Variants in SLC13A4 observed in about 807,000 individuals in gnomAD.
The protein encoded by SLC13A4 is Na(+)/sulfate cotransporter SUT-1.
SLC13A4 carries 28 observed loss-of-function variants against 72.7 expected under a neutral mutation model. That is an observed-to-expected ratio of 0.39 (90% CI 0.29 to 0.53). SLC13A4 has a LOEUF of 0.53. Ranked by LOEUF, SLC13A4 falls within the 20% of genes least tolerant of loss-of-function variation. The probability of loss-of-function intolerance (pLI) is 0.78; values close to 1 mark genes in which losing one functional copy is unlikely to be tolerated. For synonymous variants in SLC13A4, 312 were observed against 325.5 expected, an observed-to-expected ratio of 0.96 and a Z score of 0.45; for missense variants, 653 against 788.0, an observed-to-expected ratio of 0.83 and a Z score of 2.05.
intron 13 of SLC13A4, among the ~76,000 whole-genome samples, chr7:135,687,336 G>A (rs1795653510): frequency 6.6e-6 from 1 of 152,194 alleles, no homozygotes; most frequent in South Asian, 2.1e-4. Context: ...AGACATTTAT[G>A]ATTCCTCAAG....
rs924339367 is a variant in SLC13A4 at position 135,708,335 on chromosome 7, A to G, written c.229-85T>C. On this transcript the variant is annotated intron_variant, in intron 2 of 15. Coordinates refer to ENST00000682651, the MANE Select transcript of SLC13A4 (RefSeq NM_001318192.2). ...CAGCTGGGAGAATGGGCCATACCCA[A>G]TAAAACCTGTTCTCAATCAAAGAGG... 3.3e-5 allele frequency: 51 copies of G among 1,554,440 alleles called. No individual in the cohort carries two copies. In the East Asian group the frequency reaches 3.8e-4, roughly 12 times the overall value.
chr7:135,715,174 T>C (rs1796392079), intron 2 of SLC13A4, among the ~76,000 whole-genome samples: 3 of 151,502 alleles, frequency 2.0e-5, no homozygotes, highest in South Asian at 2.1e-4. Flanking sequence ...TATATATGTG[T>C]ATATGGGTAT....
At chr7:135,696,387 C>T (rs1336980715) in intron 8 of SLC13A4, among the ~76,000 whole-genome samples, 4 of 151,858 alleles carry the variant, frequency 2.6e-5, no homozygotes, top group African/African-American at 7.3e-5. Context: ...CTTGCTCTGT[C>T]GCTTAGGCTG....
intron 2 of SLC13A4, among the ~76,000 whole-genome samples, chr7:135,709,857 C>G (rs1796257620): frequency 6.6e-6 from 1 of 152,188 alleles, no homozygotes; most frequent in African/African-American, 2.4e-5. Flanking sequence ...GCACTTGGAG[C>G]AATGCTTGAA....
chr7:135,726,504 A>G (rs2129495662), intron 1 of SLC13A4, among the ~76,000 whole-genome samples: 1 of 152,296 alleles, frequency 6.6e-6, no homozygotes, highest in South Asian at 2.1e-4. Context: ...TATTTTTCCT[A>G]AAGTCTCCAG....
chr7:135,719,889 AAGAG>A (rs1201457387), intron 2 of SLC13A4, among the ~76,000 whole-genome samples: 1 of 141,850 alleles, frequency 7.0e-6, no homozygotes, highest in Non-Finnish European at 1.5e-5. Context: ...AGAGGAAGGA[AAGAG>A]AGAGAGAGAG....
At chr7:135,726,134 T>C (rs2129495652) in intron 1 of SLC13A4, among the ~76,000 whole-genome samples, 1 of 152,128 alleles carries the variant, frequency 6.6e-6, no homozygotes, top group South Asian at 2.1e-4. Context: ...GAGGCTAGTA[T>C]GTCTCTCGGT....
At chr7:135,697,365 G>A (rs1419196392) in intron 8 of SLC13A4, among the ~76,000 whole-genome samples, 2 of 152,108 alleles carry the variant, frequency 1.3e-5, no homozygotes, top group Non-Finnish European at 2.9e-5. Flanking sequence ...TCCTTCACAT[G>A]CTGAGGGCAG....
At chr7:135,708,804 A>G (rs551673996) in intron 2 of SLC13A4, among the ~76,000 whole-genome samples, 1 of 151,836 alleles carries the variant, frequency 6.6e-6, no homozygotes, top group African/African-American at 2.4e-5. Flanking sequence ...CATTTTTCCT[A>G]TACCTATATA....
rs141993927 is a variant in SLC13A4 at position 135,681,677 on chromosome 7, G to A, written c.1770C>T (p.Asn590=). ...CCATTACTATCACCAGTCCAATAAC[G>A]TTGACTCCCAGGCCAGCTTTCACCT... ...KDMVKAGLGV[N]VIGLVIVMVA... is the part of the protein sequence containing the mutation. The change falls in exon 16 of 16, where the codon AAC becomes AAT. Residue 590 remains asparagine, a synonymous_variant. Transcript: ENST00000682651. 70 of 1,613,712 alleles carry A rather than the reference G, an allele frequency of 4.3e-5. No individual in the cohort carries two copies. Among genetic ancestry groups the A allele is most frequent in the African/African-American group, 3.3e-4 (25 of 75,030 alleles).
At chr7:135,702,006 G>C (rs530900148) in intron 6 of SLC13A4, 3 of 382,168 alleles carry the variant, frequency 7.8e-6, no homozygotes, top group East Asian at 8.4e-5. Context: ...CCTTAGAGGA[G>C]AGCCAGCCTT....
At chr7:135,699,579 A>C (rs778887452) in intron 7 of SLC13A4, 31 bp from the exon 8 acceptor site, 2 of 1,571,622 alleles carry the variant, frequency 1.3e-6, no homozygotes, top group East Asian at 2.3e-5. Flanking sequence ...AATCTGTCCA[A>C]CCCAGCTTGG....
At chr7:135,686,217 G>A (rs1333219836) in intron 13 of SLC13A4, among the ~76,000 whole-genome samples, 4 of 152,166 alleles carry the variant, frequency 2.6e-5, no homozygotes, top group African/African-American at 4.8e-5. Context: ...AGCACTGGAG[G>A]TTTTACAGGA....
chr7:135,710,730 T>C (rs1418191867), intron 2 of SLC13A4, among the ~76,000 whole-genome samples: 2 of 152,228 alleles, frequency 1.3e-5, no homozygotes, highest in Non-Finnish European at 2.9e-5. Context: ...CCATCTCTCC[T>C]TTCTCTCTTT....
chr7:135,711,722 G>T (rs1227502243), intron 2 of SLC13A4, among the ~76,000 whole-genome samples: 1 of 152,270 alleles, frequency 6.6e-6, no homozygotes, highest in Middle Eastern at 3.4e-3. Context: ...CTCCCAGACA[G>T]CATGAGCTGG....
intron 14 of SLC13A4, 88 bp downstream of exon 14, chr7:135,685,434 C>T (rs994411322): frequency 4.3e-6 from 5 of 1,169,356 alleles, no homozygotes; most frequent in East Asian, 2.4e-5. Flanking sequence ...GGAGAGCCTA[C>T]AGCTACGGAA....
chr7:135,687,902 C>G (rs1234429210), intron 13 of SLC13A4, among the ~76,000 whole-genome samples: 1 of 152,100 alleles, frequency 6.6e-6, no homozygotes, highest in Non-Finnish European at 1.5e-5. Context: ...CCTCTGCCTC[C>G]CGGGTCCAAA....
At chr7:135,710,193 C>T (rs1796267525) in intron 2 of SLC13A4, among the ~76,000 whole-genome samples, 2 of 152,016 alleles carry the variant, frequency 1.3e-5, no homozygotes, top group South Asian at 4.1e-4. Flanking sequence ...TAGTAAAATA[C>T]ATAGCATTTG....
At chr7:135,715,320 T>TGC (rs1475601290) in intron 2 of SLC13A4, among the ~76,000 whole-genome samples, 2 of 125,158 alleles carry the variant, frequency 1.6e-5, no homozygotes, top group African/African-American at 4.0e-5. Context: ...CATGTGTATG[T>TGC]GTGTGAGTAA....
Sources: gnomAD v4.1 joint callset for allele counts (sites outside exome capture counted in the v4.1 genomes callset) on GRCh38, gnomAD v4.1.1 for gene constraint, MANE v1.5 for transcripts, NCBI Gene and HGNC (gene_info 2026-07-23, HGNC 2026-07-21) for gene names.